Variants in ADAMTS6 observed in about 807,000 individuals in gnomAD.
ADAMTS6 encodes ADAM metallopeptidase with thrombospondin type 1 motif 6.
A neutral mutation model predicts 144.3 loss-of-function variants in ADAMTS6; 23 were observed. That is an observed-to-expected ratio of 0.16 (90% CI 0.11 to 0.23). The LOEUF (loss-of-function observed/expected upper bound fraction) is 0.23, where lower values mean the gene tolerates loss of function less well. Among genes scored for constraint, ADAMTS6 ranks in the 10% least tolerant of loss-of-function variants. ADAMTS6 has a pLI of 1.00. For missense variants in ADAMTS6, 999 were observed against 1,379.6 expected, an observed-to-expected ratio of 0.72 and a Z score of 4.37; for synonymous variants, 444 against 457.5, an observed-to-expected ratio of 0.97 and a Z score of 0.38.
chr5:65,203,264 C>T (rs1303179682), intron 20 of ADAMTS6, among the ~76,000 whole-genome samples: 1 of 152,138 alleles, frequency 6.6e-6, no homozygotes, highest in Non-Finnish European at 1.5e-5. Context: ...ATGCTCACAC[C>T]TGTAATCTCA....
At chr5:65,334,858 T>C (rs923128661) in intron 7 of ADAMTS6, among the ~76,000 whole-genome samples, 1 of 152,156 alleles carries the variant, frequency 6.6e-6, no homozygotes, top group Non-Finnish European at 1.5e-5. Context: ...TTTCAGTATA[T>C]CCTTGTAAAC....
At chr5:65,350,496 T>A (rs1048935694) in intron 7 of ADAMTS6, among the ~76,000 whole-genome samples, 1 of 152,234 alleles carries the variant, frequency 6.6e-6, no homozygotes. Context: ...AAAGCTCATG[T>A]AAGGGTCTGA....
intron 7 of ADAMTS6, among the ~76,000 whole-genome samples, chr5:65,419,044 T>C (rs1183083285): frequency 2.0e-5 from 3 of 152,182 alleles, no homozygotes; most frequent in Non-Finnish European, 1.5e-5. Context: ...ATCCCACTTA[T>C]AGGTATATAT....
chr5:65,177,356 G>A (rs143890583), intron 22 of ADAMTS6, among the ~76,000 whole-genome samples: 9 of 151,944 alleles, frequency 5.9e-5, no homozygotes, highest in East Asian at 1.9e-4. Flanking sequence ...AGTCAATTTC[G>A]CCTCAAACTA....
intron 7 of ADAMTS6, among the ~76,000 whole-genome samples, chr5:65,384,384 T>C (rs1034270909): frequency 5.3e-5 from 8 of 152,194 alleles, no homozygotes; most frequent in Non-Finnish European, 1.2e-4. Context: ...CTCAACACTT[T>C]GCTTAGATAT....
intron 20 of ADAMTS6, among the ~76,000 whole-genome samples, chr5:65,204,496 T>G (rs1168796453): frequency 6.6e-6 from 1 of 152,178 alleles, no homozygotes; most frequent in African/African-American, 2.4e-5. Flanking sequence ...GTTATGATGC[T>G]GGGTACAGCT....
chr5:65,380,658 T>G (rs1751966934), intron 7 of ADAMTS6, among the ~76,000 whole-genome samples: 1 of 152,334 alleles, frequency 6.6e-6, no homozygotes, highest in South Asian at 2.1e-4. Flanking sequence ...AAAATTTATT[T>G]TTGCATTTCT....
At chr5:65,335,615 T>C (rs897515914) in intron 7 of ADAMTS6, among the ~76,000 whole-genome samples, 3 of 152,134 alleles carry the variant, frequency 2.0e-5, no homozygotes, top group African/African-American at 7.2e-5. Flanking sequence ...ACCAGTTTGC[T>C]GAACATTTAT....
chr5:65,407,953 A>AT (rs1292344310), intron 7 of ADAMTS6, among the ~76,000 whole-genome samples: 4 of 152,186 alleles, frequency 2.6e-5, no homozygotes, highest in African/African-American at 4.8e-5. Context: ...ATGCTGAGAG[A>AT]TTTTGTCACC....
intron 11 of ADAMTS6, among the ~76,000 whole-genome samples, chr5:65,278,401 C>T (rs1762730910): frequency 6.6e-6 from 1 of 152,184 alleles, no homozygotes. Flanking sequence ...TTTAAGGAAT[C>T]TCCTTTATGC....
intron 18 of ADAMTS6, among the ~76,000 whole-genome samples, chr5:65,219,398 T>C (rs1757153024): frequency 6.6e-6 from 1 of 152,112 alleles, no homozygotes; most frequent in Admixed American, 6.6e-5. Context: ...AATGCAATGA[T>C]TGTTAGACAT....
At chr5:65,443,891 T>C (rs945243098) in intron 7 of ADAMTS6, among the ~76,000 whole-genome samples, 1 of 152,032 alleles carries the variant, frequency 6.6e-6, no homozygotes, top group Non-Finnish European at 1.5e-5. Flanking sequence ...AAAGACGGAA[T>C]TCTTTCCTTG....
At chr5:65,231,013 GAT>G (rs1217473157) in intron 15 of ADAMTS6, among the ~76,000 whole-genome samples, 6 of 150,458 alleles carry the variant, frequency 4.0e-5, no homozygotes, top group Non-Finnish European at 7.4e-5. Flanking sequence ...CAATTGACAA[GAT>G]ATAACTAGTA....
intron 7 of ADAMTS6, among the ~76,000 whole-genome samples, chr5:65,405,517 G>C (rs968129385): frequency 6.6e-6 from 1 of 152,118 alleles, no homozygotes; most frequent in Non-Finnish European, 1.5e-5. Flanking sequence ...CTCTGTTTTG[G>C]TACCAGTACC....
intron 4 of ADAMTS6, 113 bp downstream of exon 4, chr5:65,460,057 A>G: frequency 1.7e-6 from 2 of 1,184,618 alleles, no homozygotes; most frequent in East Asian, 5.1e-5. Context: ...GGACATTATA[A>G]TTGTAGTCAA....
At chr5:65,456,767 T>C (rs901360946) in intron 4 of ADAMTS6, among the ~76,000 whole-genome samples, 1 of 152,216 alleles carries the variant, frequency 6.6e-6, no homozygotes, top group Middle Eastern at 3.2e-3. Context: ...TCTCTGGGTA[T>C]TGGAATAAGT....
intron 14 of ADAMTS6, among the ~76,000 whole-genome samples, chr5:65,242,861 T>C (rs895257858): frequency 6.6e-6 from 1 of 152,030 alleles, no homozygotes; most frequent in African/African-American, 2.4e-5. Flanking sequence ...TTGTTTGAGG[T>C]GTGGAGAGGG....
At chr5:65,478,664 AT>A (rs138108636) in intron 1 of ADAMTS6, among the ~76,000 whole-genome samples, 7,372 of 152,292 alleles carry the variant, frequency 0.048, 603 homozygotes, top group African/African-American at 0.17. Context: ...AAAATGTGAA[AT>A]AATAGATATG....
chr5:65,329,658 G>A (rs141912275), intron 8 of ADAMTS6, among the ~76,000 whole-genome samples, 175 bp from the exon 9 acceptor site: 39 of 152,192 alleles, frequency 2.6e-4, no homozygotes, highest in African/African-American at 8.4e-4. Flanking sequence ...TCACTTTGCC[G>A]GCTAGACATT....
Sources: allele counts gnomAD v4.1 joint callset (sites outside exome capture counted in the v4.1 genomes callset), GRCh38; gene constraint gnomAD v4.1.1; transcripts MANE v1.5; gene names NCBI Gene and HGNC (gene_info 2026-07-23, HGNC 2026-07-21).